Variants in FAM178B observed in about 807,000 individuals in gnomAD.
The protein encoded by FAM178B is family with sequence similarity 178 member B.
FAM178B carries 82 observed loss-of-function variants against 91.7 expected under a neutral mutation model. That is an observed-to-expected ratio of 0.89 (90% confidence interval 0.75 to 1.07). The LOEUF is 1.07. FAM178B is among the 50% of genes least tolerant of loss of function. FAM178B has a pLI of 0.00. For synonymous variants in FAM178B, 368 were observed against 359.4 expected, an observed-to-expected ratio of 1.02 and a Z score of -0.27; for missense variants, 769 against 846.7, an observed-to-expected ratio of 0.91 and a Z score of 1.14.
chr2:96,939,652 C>T (rs1045845927), intron 8 of FAM178B, among the ~76,000 whole-genome samples: 2 of 152,050 alleles, frequency 1.3e-5, no homozygotes, highest in Admixed American at 1.3e-4. Flanking sequence ...GCAGAGAGGT[C>T]GCAGCACAGA....
Position 96,906,191 on chromosome 2 carries a change from T to C in FAM178B, c.1563-3484A>G, listed in dbSNP as rs1243993060. Among the ~76,000 whole-genome samples the C allele has an allele frequency of 3.4e-5, 5 of 147,120 alleles. No individual in the cohort carries two copies. The Admixed American group carries it at 3.4e-4, about 10-fold the overall frequency. On this transcript the variant is annotated intron_variant, in intron 12 of 16. Transcript: ENST00000490605. ...GAGCCACCGCGCCCAGCCAATACTT[T>C]TTCTTTTTCTTTCTTTTTTTTTTTT...
intron 3 of FAM178B, 21 bp downstream of exon 3, chr2:96,971,880 C>G (rs2082222979): frequency 6.8e-7 from 1 of 1,465,008 alleles, no homozygotes; most frequent in Admixed American, 2.7e-5. Flanking sequence ...GAGAAGAGGC[C>G]AAGGGTGGAC....
intron 9 of FAM178B, among the ~76,000 whole-genome samples, chr2:96,924,681 CAAGT>C (rs2081405337): frequency 6.6e-6 from 1 of 152,170 alleles, no homozygotes; most frequent in Non-Finnish European, 1.5e-5. Flanking sequence ...TTGTTGATTT[CAAGT>C]ATGTTAAGTG....
intron 1 of FAM178B, among the ~76,000 whole-genome samples, chr2:96,984,757 C>G (rs1035193344): frequency 1.3e-5 from 2 of 152,140 alleles, no homozygotes; most frequent in African/African-American, 4.8e-5. Flanking sequence ...CAGGTTTTTG[C>G]TTTTGCCAAT....
chr2:96,969,389 G>T (rs538650228), intron 4 of FAM178B, among the ~76,000 whole-genome samples: 1 of 152,304 alleles, frequency 6.6e-6, no homozygotes, highest in African/African-American at 2.4e-5. Context: ...TGCCACGTGA[G>T]GACACAGCAA....
At chr2:96,976,522 C>T (rs2082290432) in intron 1 of FAM178B, among the ~76,000 whole-genome samples, 6 of 151,964 alleles carry the variant, frequency 3.9e-5, no homozygotes, top group Admixed American at 3.9e-4. Flanking sequence ...ACACAAATAT[C>T]CACAGCAGCA....
chr2:96,910,503 G>A (rs2081134144), intron 12 of FAM178B, among the ~76,000 whole-genome samples: 1 of 152,176 alleles, frequency 6.6e-6, no homozygotes, highest in South Asian at 2.1e-4. Context: ...CTGCATCAGG[G>A]CTAACGTTTT....
rs2153375770 is a variant in FAM178B, at chr2:96,971,926, A to G, written c.539T>C (p.Leu180Pro). 1 of 1,510,626 alleles carries G rather than the reference A, an allele frequency of 6.6e-7. No homozygotes were observed. The highest frequency in any genetic ancestry group is 1.3e-5 in the South Asian group (1 of 75,972). The allele number at this position is 1,510,626 out of a possible 1,614,324, so 93.6% of individuals were successfully genotyped here. A position where few individuals can be genotyped will look rare whatever the true frequency, so the allele number is the denominator to read the frequency against. ...CTCTGGGGCCGCAGCCTGCTGGCTCAGGCCTGACGTGTTCCAGAACAGCTT... is the reference window on the plus strand; with the variant it reads ...CTCTGGGGCCGCAGCCTGCTGGCTCGGGCCTGACGTGTTCCAGAACAGCTT... Reference protein sequence around the residue: ...PEKLFWNTSGLSQQAAAPEFS... With the variant: ...PEKLFWNTSGPSQQAAAPEFS... The change falls in exon 3 of 17, where the codon CTG becomes CCG. Residue 180 changes from leucine to proline, a missense_variant. Physicochemically the swap from Leu to Pro is moderately conservative, Grantham distance 98 (BLOSUM62 -3). Transcript: ENST00000490605.
intron 14 of FAM178B, among the ~76,000 whole-genome samples, chr2:96,889,739 A>G (rs984057165): frequency 1.3e-5 from 2 of 151,450 alleles, no homozygotes; most frequent in African/African-American, 2.4e-5. Context: ...AAAATAGAGC[A>G]TCAGTAGAGC....
intron 8 of FAM178B, among the ~76,000 whole-genome samples, chr2:96,935,908 T>C (rs1385824082): frequency 6.6e-6 from 1 of 151,696 alleles, no homozygotes; most frequent in Non-Finnish European, 1.5e-5. Context: ...AGTGCTGAGA[T>C]TACAGGCGTG....
intron 5 of FAM178B, among the ~76,000 whole-genome samples, chr2:96,965,711 C>T (rs903447998): frequency 4.6e-5 from 7 of 152,170 alleles, no homozygotes; most frequent in Non-Finnish European, 1.0e-4. Flanking sequence ...AAGCAATCCT[C>T]CTGCCTTGGC....
chr2:96,943,057 A>G (rs927920688), intron 8 of FAM178B, among the ~76,000 whole-genome samples: 1 of 152,324 alleles, frequency 6.6e-6, no homozygotes. Flanking sequence ...AGAAGAAACC[A>G]TAGGTGAAAA....
intron 13 of FAM178B, among the ~76,000 whole-genome samples, chr2:96,894,298 C>G (rs1323783547): frequency 6.6e-6 from 1 of 151,266 alleles, no homozygotes; most frequent in Non-Finnish European, 1.5e-5. Flanking sequence ...CCCCCACGCC[C>G]CACCCACACA....
chr2:96,962,193 T>C (rs1279984777), intron 5 of FAM178B, among the ~76,000 whole-genome samples: 4 of 151,832 alleles, frequency 2.6e-5, no homozygotes, highest in Non-Finnish European at 4.4e-5. Flanking sequence ...TCCCAGCTAC[T>C]TGGGAGGCTG....
chr2:96,970,837 A>G lies in FAM178B; in HGVS notation c.565-60T>C. 9 of 1,231,768 alleles carry G rather than the reference A, an allele frequency of 7.3e-6. No individual in the cohort carries two copies. In the South Asian group the frequency reaches 1.2e-4, roughly 16 times the overall value. The allele number at this position is 1,231,768 out of a possible 1,614,324, so 76.3% of individuals were successfully genotyped here. ...AGAAGTACAAAGATAGAGGAGAAAA[A>G]AGAAAAAAAACTAAATTAAGCCCTT... On this transcript the variant is annotated intron_variant, in intron 3 of 16. Transcript: ENST00000490605.
intron 1 of FAM178B, among the ~76,000 whole-genome samples, chr2:96,978,835 C>T (rs1034002565): frequency 6.6e-6 from 1 of 151,988 alleles, no homozygotes; most frequent in Non-Finnish European, 1.5e-5. Flanking sequence ...CCATGTTAGC[C>T]AGGATGGTCT....
chr2:96,977,889 C>T (rs1410209172), intron 1 of FAM178B: 1 of 445,344 alleles, frequency 2.2e-6, no homozygotes, highest in Non-Finnish European at 4.4e-6. Context: ...ATCACGAAGC[C>T]CAGGGCACTC....
intron 14 of FAM178B, among the ~76,000 whole-genome samples, chr2:96,881,913 G>A (rs1464483996): frequency 1.3e-5 from 2 of 152,144 alleles, no homozygotes; most frequent in Non-Finnish European, 2.9e-5. Context: ...CTGGGTGCAT[G>A]TCTTCCTTGC....
intron 1 of FAM178B, 42 bp from the exon 2 acceptor site, chr2:96,972,648 A>C: frequency 6.5e-7 from 1 of 1,529,886 alleles, no homozygotes; most frequent in African/African-American, 1.4e-5. Flanking sequence ...CCTCCAGAAG[A>C]AAGCTAAAGG....
Sources: allele counts gnomAD v4.1 joint callset (sites outside exome capture counted in the v4.1 genomes callset), GRCh38; gene constraint gnomAD v4.1.1; transcripts MANE v1.5; gene names NCBI Gene and HGNC (gene_info 2026-07-23, HGNC 2026-07-21).